MEX3C: variants seen among roughly 807,000 people sequenced by gnomAD.
MEX3C encodes the protein mex-3 RNA binding family member C.
MEX3C carries 15 observed loss-of-function variants against 35.5 expected under a neutral mutation model. The observed-to-expected ratio is 0.42, with a 90% CI of 0.28 to 0.65. The LOEUF (loss-of-function observed/expected upper bound fraction) is 0.65, where lower values mean the gene tolerates loss of function less well. Among genes scored for constraint, MEX3C ranks in the 30% least tolerant of loss-of-function variants. The pLI is 0.20. For missense variants in MEX3C, 711 were observed against 842.8 expected (o/e 0.84, Z 1.94); for synonymous variants, 390 against 352.8 (o/e 1.11, Z -1.18).
chr18:51,178,225 C>A (rs929889033), intron 1 of MEX3C, among the ~76,000 whole-genome samples: 6 of 152,102 alleles, frequency 3.9e-5, no homozygotes, highest in African/African-American at 1.4e-4. Context: ...AATGTGGGTG[C>A]TGGGTGTGGT....
At chr18:51,179,494 TCCCTAC>T (rs1310822120) in intron 1 of MEX3C, among the ~76,000 whole-genome samples, 1 of 151,900 alleles carries the variant, frequency 6.6e-6, no homozygotes, top group Non-Finnish European at 1.5e-5. Flanking sequence ...CAGTTGGGCA[TCCCTAC>T]TCTGAAAATC....
chr18:51,177,272 C>T lies in MEX3C; in HGVS notation c.1059G>A (p.Gln353=). ...GPKGATIKRI[Q]QQTHTYIVTP... ...TTACTATGTAGGTGTGGGTCTGCTG[C>T]TGAATTCTTTTAATAGTTGCTCCTT... The change falls in exon 2 of 2, where the codon CAG becomes CAA. Residue 353 remains glutamine (Q), a synonymous_variant. Coordinates refer to ENST00000406189, the MANE Select transcript of MEX3C (RefSeq NM_016626.5). This position sits in a 1 kb window ranked among gnomAD's most constrained non-coding sequence, Gnocchi z 4.2. 1 of 1,614,012 alleles carries T rather than the reference C, an allele frequency of 6.2e-7. No homozygotes were observed. The highest frequency in any genetic ancestry group is 8.5e-7 in the Non-Finnish European group (1 of 1,179,908).
intron 1 of MEX3C, among the ~76,000 whole-genome samples, chr18:51,188,529 C>T (rs550425146): frequency 5.3e-5 from 8 of 150,966 alleles, no homozygotes; most frequent in African/African-American, 1.5e-4. Flanking sequence ...GCCTGGGAGG[C>T]GGAGGTTGCA....
intron 1 of MEX3C, chr18:51,195,225 A>G (rs975460873): frequency 1.3e-5 from 2 of 152,196 alleles, no homozygotes; most frequent in Non-Finnish European, 2.9e-5. Context: ...TTATTACTCT[A>G]AGTATCGCCA....
At chr18:51,193,408 G>A (rs978272850) in intron 1 of MEX3C, 72 of 152,282 alleles carry the variant, frequency 4.7e-4, no homozygotes, top group Middle Eastern at 3.4e-3. Context: ...TGGGTATACA[G>A]TTCTATTTTA....
intron 1 of MEX3C, among the ~76,000 whole-genome samples, chr18:51,187,085 C>A (rs1464153714): frequency 6.6e-6 from 1 of 152,042 alleles, no homozygotes; most frequent in African/African-American, 2.4e-5. Flanking sequence ...AAGTCCCCAC[C>A]CCTTCTGCAT....
chr18:51,192,624 G>C (rs1422254040), intron 1 of MEX3C, among the ~76,000 whole-genome samples: 2 of 152,102 alleles, frequency 1.3e-5, no homozygotes, highest in Non-Finnish European at 2.9e-5. Flanking sequence ...CCTACGATTA[G>C]GGCACAAGTT....
intron 1 of MEX3C, among the ~76,000 whole-genome samples, chr18:51,190,118 TG>T (rs1912623234): frequency 6.6e-6 from 1 of 152,148 alleles, no homozygotes; most frequent in South Asian, 2.1e-4. Flanking sequence ...GAGAGAAACC[TG>T]GAAGAACAAG....
intron 1 of MEX3C, among the ~76,000 whole-genome samples, chr18:51,178,658 C>T (rs1486752934): frequency 1.3e-5 from 2 of 151,824 alleles, no homozygotes; most frequent in Non-Finnish European, 1.5e-5. Flanking sequence ...CAAGACCAGG[C>T]TGACTAACAT....
rs747371724 is a variant in MEX3C, at chr18:51,176,352, T to TA, written c.1978dup (p.Ter660LeufsTer21). ...TAGTATTTATGTATATATATATAGT[T>TA]AAGAGTGAATTTGGATTGCCTGAGT... On this transcript the variant is annotated frameshift_variant and stop_lost, in exon 2 of 2. Coordinates refer to ENST00000406189, the MANE Select transcript of MEX3C (RefSeq NM_016626.5). LOFTEE classifies it high-confidence loss of function. The TA allele has an allele frequency of 6.2e-7, 1 of 1,611,118 alleles. No individual in the cohort carries two copies. The highest frequency in any genetic ancestry group is 8.5e-7 in the Non-Finnish European group (1 of 1,178,418).
intron 1 of MEX3C, among the ~76,000 whole-genome samples, chr18:51,185,982 G>C (rs1298582731): frequency 6.6e-6 from 1 of 152,160 alleles, no homozygotes; most frequent in East Asian, 1.9e-4. Context: ...TTTACTAGGA[G>C]ATTATGTTTA....
In MEX3C at chr18:51,196,676, G is replaced by A. The variant is rs1568236475; in HGVS notation, c.645C>T (p.Ala215=). The stretch of plus-strand genomic sequence containing the variant: ...GGGCCGCCTGCTCCCCGTTCAGGGC[G>A]GCCGCCGCCGCCCCACAACCGCCGG... ...YGPGGCGAAA[A]ALNGEQAALL... Residue 215 remains alanine, a synonymous_variant, in exon 1 of 2, where the codon GCC becomes GCT. Transcript: ENST00000406189. 4 of 1,547,286 alleles carry A rather than the reference G, an allele frequency of 2.6e-6. No homozygotes were observed. In the African/African-American group the frequency reaches 5.5e-5, roughly 21 times the overall value.
Position 51,196,751 on chromosome 18 carries a change from C to G in MEX3C, c.570G>C (p.Gly190=). The change falls in exon 1 of 2, where the codon GGG becomes GGC. Residue 190 remains glycine (G), a synonymous_variant. Transcript: ENST00000406189. ...AAAAAGVLYG[G]DDAQGMMAAM... is the part of the protein sequence containing the mutation. ...CCGCCATCATGCCCTGGGCATCGTC[C>G]CCTCCGTACAGCACCCCCGCCGCCG... The G allele has an allele frequency of 2.0e-6, 3 of 1,515,524 alleles. No homozygotes were observed. Among genetic ancestry groups the G allele is most frequent in the Non-Finnish European group, 2.6e-6 (3 of 1,133,392 alleles). The allele number at this position is 1,515,524 out of a possible 1,614,324, so 93.9% of individuals were successfully genotyped here.
At chr18:51,185,010 G>A (rs1401363138) in intron 1 of MEX3C, among the ~76,000 whole-genome samples, 1 of 152,136 alleles carries the variant, frequency 6.6e-6, no homozygotes, top group Non-Finnish European at 1.5e-5. Context: ...GTTTCCTAAT[G>A]CTGCCTTAAC....
rs573004424 is a variant in MEX3C at position 51,174,788 on chromosome 18, T to C, written c.*1563A>G. On this transcript the variant is annotated 3_prime_UTR_variant, in exon 2 of 2. Coordinates refer to ENST00000406189, the MANE Select transcript of MEX3C (RefSeq NM_016626.5). ...TAAAATTAGCAAATACTAAACTATATTGATAATTTATCATTCTTAGTTTGT... is the reference window on the plus strand; with the variant it reads ...TAAAATTAGCAAATACTAAACTATACTGATAATTTATCATTCTTAGTTTGT... 1 of 152,758 alleles carries C rather than the reference T, an allele frequency of 6.5e-6. No homozygotes were observed. The highest frequency in any genetic ancestry group is 2.4e-5 in the African/African-American group (1 of 41,580). The allele number at this position is 152,758 out of a possible 1,614,324, so 9.5% of individuals were successfully genotyped here.
At chr18:51,182,754 G>A (rs1912458206) in intron 1 of MEX3C, among the ~76,000 whole-genome samples, 1 of 152,134 alleles carries the variant, frequency 6.6e-6, no homozygotes, top group Non-Finnish European at 1.5e-5. Flanking sequence ...GGGGTTGAAA[G>A]AAAAGAAATT....
intron 1 of MEX3C, among the ~76,000 whole-genome samples, chr18:51,188,748 T>C (rs568040709): frequency 1.3e-5 from 2 of 152,314 alleles, no homozygotes; most frequent in East Asian, 3.9e-4. Context: ...AAAGGAAGTA[T>C]TCCACTTTGT....
chr18:51,178,964 T>C (rs1294772703), intron 1 of MEX3C, among the ~76,000 whole-genome samples: 2 of 151,194 alleles, frequency 1.3e-5, no homozygotes, highest in East Asian at 3.9e-4. Flanking sequence ...TCCTTTTTTG[T>C]CCTCAATAAA....
chr18:51,176,303 C>G lies in MEX3C; in HGVS notation c.*48G>C. 3 of 1,485,042 alleles carry G rather than the reference C, an allele frequency of 2.0e-6. No individual in the cohort carries two copies. The South Asian group carries it at 4.1e-5, about 20-fold the overall frequency. The allele number at this position is 1,485,042 out of a possible 1,614,324, so 92.0% of individuals were successfully genotyped here. A position where few individuals can be genotyped will look rare whatever the true frequency, so the allele number is the denominator to read the frequency against. ...ACTGGGGGGTACCATTATACCCATG[C>G]CTTTACGAGTCCATATAGAGATATA... is the stretch of plus-strand genomic sequence containing the variant. On this transcript the variant is annotated 3_prime_UTR_variant, in exon 2 of 2. Coordinates refer to ENST00000406189, the MANE Select transcript of MEX3C (RefSeq NM_016626.5).
Sources: gnomAD v4.1 joint callset for allele counts (sites outside exome capture counted in the v4.1 genomes callset) on GRCh38, gnomAD v4.1.1 for gene constraint, Gnocchi (gnomAD v3.1) non-coding constraint, MANE v1.5 for transcripts, NCBI Gene and HGNC (gene_info 2026-07-23, HGNC 2026-07-21) for gene names.